The following PLXNC1 variants were observed in gnomAD, a reference collection of about 807,000 sequenced individuals.
PLXNC1 encodes the protein plexin C1, also known as plexin-C1.
PLXNC1 carries 75 observed loss-of-function variants against 178.2 expected under a neutral mutation model. The ratio of observed to expected loss-of-function variants is 0.42; its 90% CI spans 0.35 to 0.51. PLXNC1 has a LOEUF of 0.51. Ranked by LOEUF, PLXNC1 falls within the 20% of genes least tolerant of loss-of-function variation. The pLI is 0.02. For missense variants in PLXNC1, 1,503 were observed against 1,984.4 expected, an observed-to-expected ratio of 0.76 and a Z score of 4.61; for synonymous variants, 790 against 779.9, an observed-to-expected ratio of 1.01 and a Z score of -0.22.
chr12:94,170,455 T>C (rs1961801478), intron 2 of PLXNC1, among the ~76,000 whole-genome samples: 1 of 152,172 alleles, frequency 6.6e-6, no homozygotes, highest in Non-Finnish European at 1.5e-5. Flanking sequence ...TTCTTTTTTC[T>C]CTTATTTACG....
intron 4 of PLXNC1, among the ~76,000 whole-genome samples, chr12:94,203,136 G>A (rs553939633): frequency 4.6e-5 from 7 of 152,232 alleles, no homozygotes; most frequent in Admixed American, 4.6e-4. Flanking sequence ...GGGTACAAGA[G>A]TTACCCAAAC....
chr12:94,178,966 G>A (rs535157568), intron 2 of PLXNC1, among the ~76,000 whole-genome samples: 1 of 152,282 alleles, frequency 6.6e-6, no homozygotes, highest in East Asian at 1.9e-4. Flanking sequence ...CAAAGCTGCT[G>A]CTGAATTTGA....
In PLXNC1 at chr12:94,247,926, T is replaced by A; in HGVS notation, c.2412T>A (p.Thr804=). The A allele has an allele frequency of 6.2e-7, 1 of 1,614,072 alleles. No individual in the cohort carries two copies. The highest frequency in any genetic ancestry group is 8.5e-7 in the Non-Finnish European group (1 of 1,179,962). Residue 804 remains threonine (T), a synonymous_variant, in exon 13 of 31, where the codon ACT becomes ACA. Transcript: ENST00000258526. The part of the protein sequence containing the change: ...NINVSEYCVA[T]YCGFLAPSLK... ...AGGTCTCTGAATATTGTGTGGCGAC[T>A]TACTGCGGGTTTTTAGCCCCCAGTT...
chr12:94,297,124 G>C (rs1422650877), intron 24 of PLXNC1, 65 bp from the exon 25 acceptor site: 1 of 1,536,678 alleles, frequency 6.5e-7, no homozygotes, highest in African/African-American at 1.4e-5. Flanking sequence ...TTAAGAGAAG[G>C]CCGATTAGCC....
rs1466307733 is a variant in PLXNC1, at chr12:94,260,987, G to C, written c.3450+147G>C. On this transcript the variant is annotated intron_variant, in intron 20 of 30. Coordinates refer to ENST00000258526, the MANE Select transcript of PLXNC1 (RefSeq NM_005761.3). This position sits in a 1 kb window ranked among gnomAD's most constrained non-coding sequence, Gnocchi z 4.4. ...TTCGTCTTGGTCCTGACCCAGAACA[G>C]AGAGAGGGAAAGTAAACATTGTTTT... 4.3e-6 allele frequency: 3 copies of C among 704,166 alleles called. No individual in the cohort carries two copies. Among genetic ancestry groups the C allele is most frequent in the Non-Finnish European group, 7.3e-6 (3 of 408,888 alleles). The allele number at this position is 704,166 out of a possible 1,614,324, so 43.6% of individuals were successfully genotyped here. A position where few individuals can be genotyped will look rare whatever the true frequency, so the allele number is the denominator to read the frequency against.
At chr12:94,279,720 GTCCCCCCTCCCTGC>G (rs774971151) in intron 22 of PLXNC1, 71 bp downstream of exon 22, 19 of 1,314,924 alleles carry the variant, frequency 1.4e-5, no homozygotes, top group Non-Finnish European at 2.0e-5. Flanking sequence ...CTCCCTCCCT[GTCCCCCCTCCCTGC>G]CCCCACCAGC....
intron 10 of PLXNC1, among the ~76,000 whole-genome samples, chr12:94,238,986 G>A (rs796874709): frequency 9.2e-5 from 14 of 152,166 alleles, no homozygotes; most frequent in African/African-American, 3.4e-4. Context: ...AGCGAAATCT[G>A]TGAAGTTAGA....
intron 4 of PLXNC1, among the ~76,000 whole-genome samples, chr12:94,195,553 G>A (rs777370889): frequency 6.6e-6 from 1 of 152,202 alleles, no homozygotes; most frequent in African/African-American, 2.4e-5. Context: ...GGTACACACA[G>A]GTGGAGGCAA....
intron 6 of PLXNC1, 150 bp downstream of exon 6, chr12:94,220,313 T>A: frequency 1.5e-6 from 1 of 680,864 alleles, no homozygotes; most frequent in Non-Finnish European, 2.5e-6. Context: ...CTCTGGGTCC[T>A]CCTCACCTCT....
intron 14 of PLXNC1, among the ~76,000 whole-genome samples, chr12:94,248,922 G>A (rs1256644105): frequency 6.6e-6 from 1 of 151,988 alleles, no homozygotes; most frequent in Non-Finnish European, 1.5e-5. Flanking sequence ...TATGTTTGGG[G>A]GACGGATCAC....
At chr12:94,287,598 GTTGT>G (rs1966864254) in intron 23 of PLXNC1, among the ~76,000 whole-genome samples, 1 of 152,212 alleles carries the variant, frequency 6.6e-6, no homozygotes, top group Admixed American at 6.5e-5. Context: ...AGGCAGAAAT[GTTGT>G]TTAACCGCTT....
intron 11 of PLXNC1, among the ~76,000 whole-genome samples, chr12:94,243,611 A>G (rs1227357337): frequency 6.6e-6 from 1 of 152,234 alleles, no homozygotes; most frequent in Non-Finnish European, 1.5e-5. Context: ...AAACCTTTTC[A>G]AGGTACAGCT....
intron 4 of PLXNC1, among the ~76,000 whole-genome samples, chr12:94,197,465 C>T (rs1962960529): frequency 6.7e-6 from 1 of 148,502 alleles, no homozygotes; most frequent in Non-Finnish European, 1.5e-5. Flanking sequence ...CTCTCTGTCT[C>T]TCTCTCCCTC....
intron 4 of PLXNC1, among the ~76,000 whole-genome samples, chr12:94,200,697 T>C (rs972396223): frequency 6.6e-6 from 1 of 152,224 alleles, no homozygotes; most frequent in African/African-American, 2.4e-5. Flanking sequence ...TTTATTTCCA[T>C]GCTGCTGTTT....
intron 9 of PLXNC1, among the ~76,000 whole-genome samples, chr12:94,227,630 C>T (rs1963982997): frequency 6.6e-6 from 1 of 152,130 alleles, no homozygotes; most frequent in Non-Finnish European, 1.5e-5. Context: ...TGCAAACTAA[C>T]CTCGATTCCG....
intron 5 of PLXNC1, among the ~76,000 whole-genome samples, chr12:94,215,514 T>A (rs1182984626): frequency 2.0e-5 from 3 of 151,218 alleles, no homozygotes; most frequent in Non-Finnish European, 2.9e-5. Flanking sequence ...AAAAAAGAAG[T>A]CAATTTAGGC....
intron 28 of PLXNC1, among the ~76,000 whole-genome samples, chr12:94,301,751 C>T (rs554419553): frequency 1.3e-5 from 2 of 152,268 alleles, no homozygotes; most frequent in South Asian, 4.1e-4. Flanking sequence ...GTGCCTCAGA[C>T]TCCCAGTCAT....
At chr12:94,253,211 G>GGAAAAA in intron 15 of PLXNC1, among the ~76,000 whole-genome samples, 1 of 42,024 alleles carries the variant, frequency 2.4e-5, no homozygotes, top group South Asian at 1.6e-3. Flanking sequence ...CTCCGTCTCA[G>GGAAAAA]AAAAAAAAAA....
rs139466823 is a variant in PLXNC1 at position 94,297,339 on chromosome 12, C to T, written c.3990C>T (p.Phe1330=). Residue 1330 remains phenylalanine, a synonymous_variant, in exon 26 of 31, where the codon TTC becomes TTT. Transcript: ENST00000258526. ...AGATTTTACCAGATTCGGAAGCATT[C>T]CAAGATGTGCAAGGAAAGAGACATC... ...CHLILPDSEA[F]QDVQGKRHRG... is the part of the protein sequence containing the mutation. 14 of 1,613,886 alleles carry T rather than the reference C, an allele frequency of 8.7e-6. No homozygotes were observed. The highest frequency in any genetic ancestry group is 1.6e-4 in the Middle Eastern group (1 of 6,062).
Sources: allele counts gnomAD v4.1 joint callset (sites outside exome capture counted in the v4.1 genomes callset), GRCh38; gene constraint gnomAD v4.1.1; non-coding constraint Gnocchi (gnomAD v3.1); transcripts MANE v1.5; gene names NCBI Gene and HGNC (gene_info 2026-07-23, HGNC 2026-07-21).